CCDC102B: variants seen among roughly 807,000 people sequenced by gnomAD.
The protein encoded by CCDC102B is coiled-coil domain containing 102B.
Under a neutral mutation model 57.4 loss-of-function variants are expected in CCDC102B, and 75 were observed. That is an observed-to-expected ratio of 1.31 (90% CI 1.08 to 1.58). CCDC102B has a LOEUF of 1.58. CCDC102B is among the 40% of genes most tolerant of loss of function. The pLI, the probability that CCDC102B is intolerant of heterozygous loss-of-function variation, is 0.00. For missense variants in CCDC102B, 636 were observed against 582.6 expected, an observed-to-expected ratio of 1.09 and a Z score of -0.94; for synonymous variants, 206 against 201.9, an observed-to-expected ratio of 1.02 and a Z score of -0.17.
intron 5 of CCDC102B, among the ~76,000 whole-genome samples, chr18:68,891,977 G>A (rs1310323832): frequency 6.6e-6 from 1 of 152,150 alleles, no homozygotes; most frequent in Non-Finnish European, 1.5e-5. Context: ...GGTTCTATGG[G>A]AGAAAGTGGA....
chr18:68,718,646 A>G (rs2032158682), intron 2 of CCDC102B, among the ~76,000 whole-genome samples: 1 of 152,190 alleles, frequency 6.6e-6, no homozygotes, highest in African/African-American at 2.4e-5. Context: ...ACATACATTT[A>G]TGTTTTTTAA....
chr18:68,970,251 G>C (rs74846122), intron 6 of CCDC102B, among the ~76,000 whole-genome samples: 1 of 151,912 alleles, frequency 6.6e-6, no homozygotes, highest in East Asian at 1.9e-4. Flanking sequence ...TAGATAACAT[G>C]TATTTCCTAC....
intron 7 of CCDC102B, among the ~76,000 whole-genome samples, chr18:69,024,290 G>T (rs2051925202): frequency 6.6e-6 from 1 of 152,024 alleles, no homozygotes; most frequent in Non-Finnish European, 1.5e-5. Flanking sequence ...AAAGTAGAAA[G>T]TGCAATCATT....
chr18:68,751,100 AAG>A (rs1029871733), intron 2 of CCDC102B, among the ~76,000 whole-genome samples: 1 of 152,150 alleles, frequency 6.6e-6, no homozygotes, highest in Non-Finnish European at 1.5e-5. Flanking sequence ...GAAAATAAAA[AAG>A]AGAAAGATAT....
intron 2 of CCDC102B, among the ~76,000 whole-genome samples, chr18:68,746,730 A>T (rs10782031): frequency 0.27 from 41,534 of 151,546 alleles, 6,485 homozygotes; most frequent in East Asian, 0.53. Context: ...TTGGGTTATC[A>T]TCTTTTTTTT....
chr18:68,830,497 G>T (rs1468583090), intron 1 of CCDC102B, among the ~76,000 whole-genome samples: 1 of 149,098 alleles, frequency 6.7e-6, no homozygotes, highest in African/African-American at 2.5e-5. Flanking sequence ...ATAGTTTGTG[G>T]CTTTGTTCAC....
chr18:68,722,071 A>G (rs2032361022), intron 2 of CCDC102B, among the ~76,000 whole-genome samples: 1 of 152,244 alleles, frequency 6.6e-6, no homozygotes, highest in Non-Finnish European at 1.5e-5. Context: ...GTACAGGGTT[A>G]CAAGCCTTGC....
rs2036266239 is a variant in CCDC102B at position 68,811,570 on chromosome 18, TTGTCAC to T, written c.-16+13392_-16+13397del. On this transcript the variant is annotated intron_variant, in intron 1 of 7. Transcript: ENST00000360242. The stretch of plus-strand genomic sequence containing the variant: ...GCAGAGGTTGCAGTGAGCCAAGTTC[TTGTCAC>T]TGCACTCCAGCCTGGGCAACAAGAG... Among the ~76,000 whole-genome samples the T allele has an allele frequency of 3.9e-5, 6 of 152,228 alleles. No homozygotes were observed. The South Asian group carries it at 1.2e-3, about 32-fold the overall frequency.
chr18:68,754,106 A>G (rs1319272000), intron 2 of CCDC102B: 1 of 152,176 alleles, frequency 6.6e-6, no homozygotes, highest in African/African-American at 2.4e-5. Context: ...ACAGAAAAAC[A>G]TATTATTACT....
intron 7 of CCDC102B, among the ~76,000 whole-genome samples, chr18:69,034,844 CT>C (rs1056499804): frequency 1.3e-5 from 2 of 151,336 alleles, no homozygotes; most frequent in African/African-American, 4.8e-5. Flanking sequence ...AATTGGTTTC[CT>C]TTTGGGAAAT....
chr18:68,779,512 A>G (rs1281069888), intron 2 of CCDC102B, among the ~76,000 whole-genome samples: 4 of 151,898 alleles, frequency 2.6e-5, no homozygotes, highest in Non-Finnish European at 2.9e-5. Context: ...TTGTATTTTC[A>G]TAGAAATTCA....
chr18:68,964,128 T>G (rs979942354), intron 6 of CCDC102B, among the ~76,000 whole-genome samples: 1 of 151,894 alleles, frequency 6.6e-6, no homozygotes, highest in Non-Finnish European at 1.5e-5. Flanking sequence ...GGAAATCCAA[T>G]GAGTCAGATA....
chr18:68,928,654 G>A (rs929046530), intron 6 of CCDC102B, among the ~76,000 whole-genome samples: 3 of 151,780 alleles, frequency 2.0e-5, no homozygotes, highest in Non-Finnish European at 4.4e-5. Flanking sequence ...GGGAAGAAAT[G>A]GAAGAAACTA....
At chr18:68,911,580 G>C (rs890851248) in intron 6 of CCDC102B, among the ~76,000 whole-genome samples, 2 of 149,218 alleles carry the variant, frequency 1.3e-5, no homozygotes. Context: ...GTGAAACCCC[G>C]TCTCTACTAA....
At chr18:68,965,372 T>C (rs1317344076) in intron 6 of CCDC102B, among the ~76,000 whole-genome samples, 3 of 151,690 alleles carry the variant, frequency 2.0e-5, no homozygotes, top group Admixed American at 1.3e-4. Flanking sequence ...AATATTTTTA[T>C]TATAATTTTA....
At chr18:68,860,005 A>G (rs950238844) in intron 4 of CCDC102B, among the ~76,000 whole-genome samples, 1 of 81,530 alleles carries the variant, frequency 1.2e-5, no homozygotes, top group African/African-American at 3.6e-5. Flanking sequence ...ATGCACACGT[A>G]TGTTTATTGC....
intron 4 of CCDC102B, among the ~76,000 whole-genome samples, chr18:68,870,571 G>T (rs568306490): frequency 6.6e-6 from 1 of 152,128 alleles, no homozygotes; most frequent in Admixed American, 6.5e-5. Context: ...ATTAGACTTT[G>T]ACTTTAGAAG....
chr18:69,041,647 A>G (rs1339651834), intron 7 of CCDC102B, among the ~76,000 whole-genome samples: 3 of 151,908 alleles, frequency 2.0e-5, no homozygotes, highest in Admixed American at 6.6e-5. Context: ...CAGCTTACAT[A>G]TCTTTATTTC....
At chr18:69,028,814 T>TG (rs148221369) in intron 7 of CCDC102B, among the ~76,000 whole-genome samples, 11,732 of 152,102 alleles carry the variant, frequency 0.077, 1,523 homozygotes, top group African/African-American at 0.27. Flanking sequence ...CAGAATATTC[T>TG]AATTGTAGTC....
Sources: allele counts gnomAD v4.1 joint callset (sites outside exome capture counted in the v4.1 genomes callset), GRCh38; gene constraint gnomAD v4.1.1; transcripts MANE v1.5; gene names NCBI Gene and HGNC (gene_info 2026-07-23, HGNC 2026-07-21).